PALB2: variants seen among roughly 807,000 people sequenced by gnomAD.
PALB2 encodes the protein partner and localizer of BRCA2, also known as mutant partner and localizer of BRCA2.
In PALB2, 82 loss-of-function variants were observed where a neutral mutation model predicts 107.4. The observed-to-expected ratio is 0.76, with a 90% confidence interval of 0.64 to 0.92. The LOEUF (loss-of-function observed/expected upper bound fraction) is 0.92. Ranked by LOEUF, PALB2 falls within the 40% of genes least tolerant of loss-of-function variation. The pLI, the probability that PALB2 is intolerant of heterozygous loss-of-function variation, is 0.00. For missense variants in PALB2, 1,374 were observed against 1,379.9 expected, an observed-to-expected ratio of 1.00 and a Z score of 0.07; for synonymous variants, 489 against 496.8, an observed-to-expected ratio of 0.98 and a Z score of 0.21.
At chr16:23,631,660 G>A (rs1966879018) in intron 4 of PALB2, among the ~76,000 whole-genome samples, 1 of 152,086 alleles carries the variant, frequency 6.6e-6, no homozygotes, top group Non-Finnish European at 1.5e-5. Context: ...TAGGCAAATC[G>A]ATTTATTTCA....
intron 4 of PALB2, among the ~76,000 whole-genome samples, chr16:23,631,279 CAAAAA>C (rs1157091932): frequency 4.2e-5 from 1 of 23,646 alleles, no homozygotes; most frequent in Non-Finnish European, 8.2e-5. Context: ...GACTCTGTCT[CAAAAA>C]AAAAAAAAAA....
At chr16:23,611,137 C>T (rs1200456115) in intron 11 of PALB2, among the ~76,000 whole-genome samples, 3 of 147,872 alleles carry the variant, frequency 2.0e-5, no homozygotes, top group Non-Finnish European at 4.5e-5. Context: ...TCTATCTATT[C>T]GTTGTTGTTG....
At position 23,635,979 on chromosome 16, in the gene PALB2, T is replaced by G. The variant is rs1597098858; in HGVS notation, c.567A>C (p.Arg189Ser). The G allele has an allele frequency of 6.2e-7, 1 of 1,614,176 alleles. No homozygotes were observed. Among genetic ancestry groups the G allele is most frequent in the East Asian group, 2.2e-5 (1 of 44,890 alleles). Reference sequence around the variant, plus strand: ...GAGTTCTTATTTCAGTTACTGGTGATCTAGCAGGATTTTTGCTACTGATTT... The same window carrying G: ...GAGTTCTTATTTCAGTTACTGGTGAGCTAGCAGGATTTTTGCTACTGATTT... ...QEEISSKNPA[R>S]SPVTEIRTHL... The change falls in exon 4 of 13, where the codon AGA (arginine) becomes AGC (serine). Residue 189 changes from arginine to serine, a missense_variant. Arg to Ser is a moderately radical substitution (Grantham distance 110, BLOSUM62 -1). Coordinates refer to ENST00000261584, the MANE Select transcript of PALB2 (RefSeq NM_024675.4).
Position 23,629,736 on chromosome 16 carries a change from C to A in PALB2, c.2418G>T (p.Pro806=), listed in dbSNP as rs577076372. Residue 806 remains proline (P), a synonymous_variant, in exon 5 of 13, where the codon CCG becomes CCT. Transcript: ENST00000261584. Reference sequence around the variant, plus strand: ...ACTCAATGGGTGGAGGTGTTCCTGGCGGGACAGAGTCACAGTCACAGGTAG... The same window carrying A: ...ACTCAATGGGTGGAGGTGTTCCTGGAGGGACAGAGTCACAGTCACAGGTAG... ...GQPTCDCDSV[P]PGTPPPIESF... The A allele has an allele frequency of 1.9e-6, 3 of 1,614,140 alleles. No homozygotes were observed. Among genetic ancestry groups the A allele is most frequent in the East Asian group, 2.2e-5 (1 of 44,888 alleles).
At chr16:23,607,743 C>G (rs906304933) in intron 12 of PALB2, 121 bp downstream of exon 12, 3 of 1,196,590 alleles carry the variant, frequency 2.5e-6, no homozygotes, top group East Asian at 4.7e-5. Flanking sequence ...ATATTCCTAT[C>G]ATGATATATA....
In PALB2 at chr16:23,630,236, A is replaced by C. The variant is rs876659058; in HGVS notation, c.1918T>G (p.Ser640Ala). Residue 640 changes from serine to alanine, a missense_variant, in exon 5 of 13, where the codon TCA (serine) becomes GCA (alanine). Physicochemically the swap from Ser to Ala is moderately conservative, Grantham distance 99. Transcript: ENST00000261584. ...CSEKPVEPFE[S>A]KMFGERHLKE... ...AGATGTCTCTCTCCAAACATTTTTG[A>C]CTCAAAGGGCTCCACTGGTTTTTCT... 3 of 1,614,010 alleles carry C rather than the reference A, an allele frequency of 1.9e-6. No individual in the cohort carries two copies. The highest frequency in any genetic ancestry group is 3.3e-4 in the Middle Eastern group (2 of 6,062).
intron 8 of PALB2, among the ~76,000 whole-genome samples, chr16:23,623,684 A>G (rs1966817406): frequency 6.6e-6 from 1 of 150,594 alleles, no homozygotes; most frequent in South Asian, 2.1e-4. Context: ...ACACCAGGCT[A>G]ATTTTTGTAT....
chr16:23,607,709 C>T (rs1332792906), intron 12 of PALB2, among the ~76,000 whole-genome samples, 155 bp downstream of exon 12: 1 of 152,132 alleles, frequency 6.6e-6, no homozygotes, highest in Non-Finnish European at 1.5e-5. Flanking sequence ...GACTCAAGTC[C>T]ACTAATCTTC....
At chr16:23,627,457 G>A (rs1219384646) in intron 6 of PALB2, among the ~76,000 whole-genome samples, 7 of 143,924 alleles carry the variant, frequency 4.9e-5, no homozygotes, top group Non-Finnish European at 6.0e-5. Flanking sequence ...ACTGCAGTCC[G>A]CAGTCCAGCC....
intron 6 of PALB2, 137 bp downstream of exon 6, chr16:23,629,067 A>G (rs1966853065): frequency 1.4e-6 from 1 of 740,720 alleles, no homozygotes; most frequent in Non-Finnish European, 2.3e-6. Context: ...AACCAATCCA[A>G]ATCTGTTTTT....
Position 23,608,052 on chromosome 16 carries a change from A to C in PALB2, c.3202-40T>G. 6.3e-7 allele frequency: 1 copy of C among 1,594,546 alleles called. No homozygotes were observed. The highest frequency in any genetic ancestry group is 8.6e-7 in the Non-Finnish European group (1 of 1,162,298). ...AAATAAATATCCCAAATAGACTGTC[A>C]AGAGTATGTCAGGAAAAATAAAGAT... On this transcript the variant is annotated intron_variant, in intron 11 of 12. Coordinates refer to ENST00000261584, the MANE Select transcript of PALB2 (RefSeq NM_024675.4).
intron 12 of PALB2, among the ~76,000 whole-genome samples, chr16:23,607,559 G>A (rs1966499977): frequency 6.6e-6 from 1 of 151,776 alleles, no homozygotes; most frequent in Admixed American, 6.6e-5. Context: ...ACCTCCCAAA[G>A]TGCTGGGATT....
At chr16:23,607,771 T>C (rs2142270044) in intron 12 of PALB2, 93 bp downstream of exon 12, 1 of 1,425,614 alleles carries the variant, frequency 7.0e-7, no homozygotes, top group Non-Finnish European at 9.9e-7. Flanking sequence ...ATGTTTTCCA[T>C]TCTTCTAAGT....
At chr16:23,639,462 G>A (rs1179598677) in intron 1 of PALB2, among the ~76,000 whole-genome samples, 1 of 150,258 alleles carries the variant, frequency 6.7e-6, no homozygotes, top group African/African-American at 2.5e-5. Context: ...AGGTTGCAGT[G>A]GGCCTAGATC....
chr16:23,629,517 A>T, intron 5 of PALB2, 123 bp downstream of exon 5: 1 of 1,034,196 alleles, frequency 9.7e-7, no homozygotes, highest in Non-Finnish European at 1.5e-6. Flanking sequence ...AAATCATATC[A>T]AAGAAACACG....
chr16:23,631,301 A>C (rs1051306644), intron 4 of PALB2, among the ~76,000 whole-genome samples: 25 of 149,166 alleles, frequency 1.7e-4, no homozygotes, highest in African/African-American at 5.9e-4. Context: ...AAAAAAAAAA[A>C]AAAACTAAAC....
intron 4 of PALB2, among the ~76,000 whole-genome samples, chr16:23,630,845 C>T (rs1215792570): frequency 6.6e-6 from 1 of 151,962 alleles, no homozygotes; most frequent in Non-Finnish European, 1.5e-5. Context: ...TATGGTAGCT[C>T]ACAGCTGTAA....
In PALB2 at chr16:23,637,940, C is replaced by G. The variant is rs2142457610; in HGVS notation, c.121G>C (p.Ala41Pro). The G allele has an allele frequency of 6.2e-7, 1 of 1,613,966 alleles. No homozygotes were observed. ...TLARLQRAQRAEKIKHSIKKT... is the reference protein window; with the variant it reads ...TLARLQRAQRPEKIKHSIKKT... ...TTAATAGAATGCTTAATCTTTTCAGCTCTTTGGGCACGCTAGAGGAGACAA... is the reference window on the plus strand; with the variant it reads ...TTAATAGAATGCTTAATCTTTTCAGGTCTTTGGGCACGCTAGAGGAGACAA... Residue 41 changes from alanine to proline, a missense_variant, in exon 3 of 13, where the codon GCT becomes CCT. By Grantham distance (27) the Ala-to-Pro change is conservative (BLOSUM62 -1). Coordinates refer to ENST00000261584, the MANE Select transcript of PALB2 (RefSeq NM_024675.4).
chr16:23,634,833 T>G (rs74320059), intron 4 of PALB2, 29 bp downstream of exon 4: 2 of 1,598,612 alleles, frequency 1.3e-6, no homozygotes, highest in African/African-American at 2.7e-5. Flanking sequence ...ATCATCATCA[T>G]CATCATCATC....
Sources: allele counts gnomAD v4.1 joint callset (sites outside exome capture counted in the v4.1 genomes callset), GRCh38; gene constraint gnomAD v4.1.1; transcripts MANE v1.5; gene names NCBI Gene and HGNC (gene_info 2026-07-23, HGNC 2026-07-21).